Variants in CREB3L2 observed in about 807,000 individuals in gnomAD.
CREB3L2 encodes cAMP responsive element binding protein 3 like 2.
A neutral mutation model predicts 57.2 loss-of-function variants in CREB3L2; 23 were observed. The ratio of observed to expected loss-of-function variants is 0.40; its 90% CI spans 0.29 to 0.57. The LOEUF (loss-of-function observed/expected upper bound fraction) is 0.57, where lower values mean the gene tolerates loss of function less well. Among genes scored for constraint, CREB3L2 ranks in the 20% least tolerant of loss-of-function variants. The probability of loss-of-function intolerance (pLI) is 0.42; values close to 1 mark genes in which losing one functional copy is unlikely to be tolerated. For synonymous variants in CREB3L2, 268 were observed against 265.1 expected (o/e 1.01, Z -0.11); for missense variants, 628 against 634.7 (o/e 0.99, Z 0.11).
chr7:137,884,196 CG>C (rs1188259536), intron 10 of CREB3L2: 3 of 149,430 alleles, frequency 2.0e-5, no homozygotes, highest in Non-Finnish European at 2.9e-5. Context: ...TTAGTAGAGA[CG>C]GGGTTTCAGC....
chr7:137,918,058 C>T (rs1349726618), intron 2 of CREB3L2, among the ~76,000 whole-genome samples: 3 of 152,136 alleles, frequency 2.0e-5, no homozygotes, highest in Non-Finnish European at 4.4e-5. Context: ...GTTGACTCTC[C>T]CCAAAGGAGC....
intron 1 of CREB3L2, among the ~76,000 whole-genome samples, chr7:137,987,260 G>A (rs1076517): frequency 0.11 from 16,373 of 152,220 alleles, 1,136 homozygotes; most frequent in Middle Eastern, 0.21. Context: ...TCTTTCCAAA[G>A]GATAACATCT....
chr7:137,922,432 ATATACG>A (rs1196895625), intron 2 of CREB3L2, among the ~76,000 whole-genome samples: 1,685 of 52,144 alleles, frequency 0.032, 118 homozygotes, highest in African/African-American at 0.18. Context: ...ATATATATAT[ATATACG>A]TATATATATA....
At chr7:137,944,272 C>T (rs958082922) in intron 1 of CREB3L2, among the ~76,000 whole-genome samples, 7 of 152,108 alleles carry the variant, frequency 4.6e-5, no homozygotes, top group African/African-American at 1.4e-4. Flanking sequence ...GTGTGTGGAA[C>T]GAAGGTGCAG....
chr7:137,996,972 C>T (rs1801997578), intron 1 of CREB3L2, among the ~76,000 whole-genome samples: 1 of 152,088 alleles, frequency 6.6e-6, no homozygotes, highest in African/African-American at 2.4e-5. Context: ...GATGGCTAAA[C>T]TGAGATAGAA....
At chr7:137,922,611 T>C (rs765890356) in intron 2 of CREB3L2, 8 of 445,628 alleles carry the variant, frequency 1.8e-5, no homozygotes, top group South Asian at 1.1e-4. Context: ...ACATACGCAG[T>C]TGGTCCTTGA....
rs1799187891 is a variant in CREB3L2 at position 137,877,666 on chromosome 7, T to C, written c.*2810A>G. 1 of 226,120 alleles carries C rather than the reference T, an allele frequency of 4.4e-6. No homozygotes were observed. Among genetic ancestry groups the C allele is most frequent in the Non-Finnish European group, 8.8e-6 (1 of 113,824 alleles). 14.0% of individuals were successfully genotyped at this position (226,120 alleles called of 1,614,324 possible). ...AAAATATAATTAAGAGATTGACTCT[T>C]TATGGCTTATGGCCGCTCTGACAGA... On this transcript the variant is annotated 3_prime_UTR_variant, in exon 12 of 12. Coordinates refer to ENST00000330387, the MANE Select transcript of CREB3L2 (RefSeq NM_194071.4).
chr7:137,974,412 TG>T (rs928617192), intron 1 of CREB3L2, among the ~76,000 whole-genome samples: 35 of 152,140 alleles, frequency 2.3e-4, no homozygotes, highest in Non-Finnish European at 2.9e-4. Context: ...CCAACCGGCA[TG>T]TACAAAGGCC....
intron 1 of CREB3L2, among the ~76,000 whole-genome samples, chr7:137,946,763 AGTT>A (rs1800985748): frequency 4.6e-5 from 3 of 65,258 alleles, no homozygotes; most frequent in African/African-American, 9.7e-5. Flanking sequence ...TTATCTATAT[AGTT>A]TAGTTATCTA....
Position 137,975,745 on chromosome 7 carries a change from A to C in CREB3L2, c.102+25859T>G, listed in dbSNP as rs539626082. ...AAATTTAAAAATTAAAAAAGAAGTA[A>C]ATAAATTAATTAAACAGCAGGAAAG... is the stretch of plus-strand genomic sequence containing the variant. On this transcript the variant is annotated intron_variant, in intron 1 of 11. Coordinates refer to ENST00000330387, the MANE Select transcript of CREB3L2 (RefSeq NM_194071.4). Among the ~76,000 whole-genome samples the C allele has an allele frequency of 8.5e-5, 13 of 152,348 alleles. No individual in the cohort carries two copies. In the East Asian group the frequency reaches 2.3e-3, roughly 27 times the overall value.
chr7:137,936,475 G>A (rs1343313350), intron 1 of CREB3L2, among the ~76,000 whole-genome samples: 1 of 152,184 alleles, frequency 6.6e-6, no homozygotes, highest in Middle Eastern at 3.2e-3. Context: ...GAGTGTGTGA[G>A]TGCTATGTGT....
At chr7:137,948,749 T>C (rs1801044270) in intron 1 of CREB3L2, among the ~76,000 whole-genome samples, 1 of 152,220 alleles carries the variant, frequency 6.6e-6, no homozygotes, top group Admixed American at 6.5e-5. Context: ...TGAAAACGAA[T>C]TGACCATTCC....
chr7:137,958,003 G>C, intron 1 of CREB3L2: 1 of 282,122 alleles, frequency 3.5e-6, no homozygotes, highest in Non-Finnish European at 7.0e-6. Flanking sequence ...AGTCCCAGGA[G>C]CTGTTCAACT....
At chr7:137,913,157 C>A in intron 3 of CREB3L2, 79 bp from the exon 4 acceptor site, 1 of 1,415,352 alleles carries the variant, frequency 7.1e-7, no homozygotes. Context: ...TATTTGTCAC[C>A]TGTGTCTTCC....
At chr7:137,914,642 GTAA>G (rs1800087752) in intron 3 of CREB3L2, among the ~76,000 whole-genome samples, 1 of 151,764 alleles carries the variant, frequency 6.6e-6, no homozygotes, top group African/African-American at 2.4e-5. Flanking sequence ...AAAAAAAAAA[GTAA>G]TAAATAAAGT....
chr7:137,955,165 C>T (rs773874203), intron 1 of CREB3L2: 6 of 594,936 alleles, frequency 1.0e-5, no homozygotes, highest in African/African-American at 5.7e-5. Flanking sequence ...GTTACAGATA[C>T]GCTACTACTT....
chr7:137,884,868 G>A, intron 10 of CREB3L2, 127 bp downstream of exon 10: 1 of 1,363,318 alleles, frequency 7.3e-7, no homozygotes, highest in Non-Finnish European at 1.0e-6. Context: ...TCTTCAAAGG[G>A]AGAAGCTCCA....
chr7:137,963,052 T>C lies in CREB3L2; in HGVS notation c.103-34686A>G, dbSNP rs146545952. Among the ~76,000 whole-genome samples the C allele has an allele frequency of 3.8e-3, 577 of 152,202 alleles. 4 individuals are homozygous for C. Among genetic ancestry groups the C allele is most frequent in the African/African-American group, 0.013 (548 of 41,518 alleles). ...GGGCCCTTGGATCTTCATGAAGATG[T>C]CTCCCTCCTTCTTCATCTCACTCAA... is the stretch of plus-strand genomic sequence containing the variant. On this transcript the variant is annotated intron_variant, in intron 1 of 11. Transcript: ENST00000330387.
chr7:137,950,442 C>T (rs974671529), intron 1 of CREB3L2, among the ~76,000 whole-genome samples: 9 of 152,320 alleles, frequency 5.9e-5, no homozygotes, highest in East Asian at 1.9e-4. Flanking sequence ...CAAATGCTAA[C>T]GCCTCTCATA....
Sources: gnomAD v4.1 joint callset for allele counts (sites outside exome capture counted in the v4.1 genomes callset) on GRCh38, gnomAD v4.1.1 for gene constraint, MANE v1.5 for transcripts, NCBI Gene and HGNC (gene_info 2026-07-23, HGNC 2026-07-21) for gene names.